ENAM: variants seen among roughly 807,000 people sequenced by gnomAD.
ENAM encodes the protein enamelin, also known as amelogenesis imperfecta 2, hypocalcification (autosomal dominant).
ENAM carries 21 observed loss-of-function variants against 33.6 expected under a neutral mutation model. The ratio of observed to expected loss-of-function variants is 0.63; its 90% CI spans 0.44 to 0.90. ENAM has a LOEUF of 0.90. ENAM is among the 40% of genes least tolerant of loss of function. The probability of loss-of-function intolerance (pLI) is 0.00; values close to 1 mark genes in which losing one functional copy is unlikely to be tolerated. For synonymous variants in ENAM, 473 were observed against 468.4 expected (o/e 1.01, Z -0.13); for missense variants, 1,388 against 1,366.9 (o/e 1.02, Z -0.24).
chr4:70,640,027 GT>G (rs1270286033), intron 8 of ENAM, among the ~76,000 whole-genome samples: 2 of 152,072 alleles, frequency 1.3e-5, no homozygotes, highest in East Asian at 3.8e-4. Context: ...TATTGCATTT[GT>G]TTTAAAAAGA....
At chr4:70,636,769 A>C (rs1738461419) in intron 7 of ENAM, among the ~76,000 whole-genome samples, 1 of 145,894 alleles carries the variant, frequency 6.9e-6, no homozygotes, top group African/African-American at 2.5e-5. Flanking sequence ...ACTCCGTCTC[A>C]AAAAAAAAAA....
intron 5 of ENAM, among the ~76,000 whole-genome samples, chr4:70,633,457 A>G (rs1482464924): frequency 6.6e-6 from 1 of 152,084 alleles, no homozygotes; most frequent in Non-Finnish European, 1.5e-5. Flanking sequence ...ATTTTTACCA[A>G]CTTAGTTGTC....
At chr4:70,639,617 AT>A (rs2109823818) in intron 8 of ENAM, among the ~76,000 whole-genome samples, 1 of 149,094 alleles carries the variant, frequency 6.7e-6, no homozygotes. Flanking sequence ...AGAAATCTGA[AT>A]TTAGATAGGC....
Position 70,643,995 on chromosome 4 carries a change from C to A in ENAM, c.2569C>A (p.Pro857Thr). ...SFPNFIPPSYPSGQKEAHLFH... is the reference protein window; with the variant it reads ...SFPNFIPPSYTSGQKEAHLFH... ...CCCTAACTTCATCCCACCAAGTTAC[C>A]CATCAGGTCAAAAAGAAGCACATTT... Residue 857 changes from proline to threonine, a missense_variant, in exon 9 of 9, where the codon CCA becomes ACA. Transcript: ENST00000396073. 6.2e-7 allele frequency: 1 copy of A among 1,614,064 alleles called. No homozygotes were observed. The highest frequency in any genetic ancestry group is 1.3e-5 in the African/African-American group (1 of 75,020).
chr4:70,641,915 C>T, intron 8 of ENAM, 100 bp from the exon 9 acceptor site: 1 of 841,940 alleles, frequency 1.2e-6, no homozygotes, highest in Non-Finnish European at 2.1e-6. Context: ...TTAAAAGAAT[C>T]ATGTGGCTGA....
Position 70,644,849 on chromosome 4 carries a change from G to A in ENAM, c.3423G>A (p.Gln1141=), listed in dbSNP as rs200902640. 1 of 1,613,130 alleles carries A rather than the reference G, an allele frequency of 6.2e-7. No individual in the cohort carries two copies. The highest frequency in any genetic ancestry group is 1.3e-5 in the African/African-American group (1 of 75,010). Reference sequence around the variant, plus strand: ...AGGTACAAGACTGCTTACTACTTCAGGCCTAGGGGTTATCCAACCAAGCAT... The same window carrying A: ...AGGTACAAGACTGCTTACTACTTCAAGCCTAGGGGTTATCCAACCAAGCAT... ...QDQVQDCLLL[Q]A is the part of the protein sequence containing the mutation. Residue 1141 remains glutamine (Q), a synonymous_variant, in exon 9 of 9, where the codon CAG becomes CAA. Coordinates refer to ENST00000396073, the MANE Select transcript of ENAM (RefSeq NM_031889.3).
At chr4:70,631,930 A>G (rs778277351) in intron 4 of ENAM, 37 bp downstream of exon 4, 7 of 1,538,488 alleles carry the variant, frequency 4.5e-6, no homozygotes, top group Non-Finnish European at 5.4e-6. Context: ...AGTTATCCAG[A>G]GTCCTATCCT....
chr4:70,635,910 T>C lies in ENAM; in HGVS notation c.534+16T>C. 1 of 1,437,064 alleles carries C rather than the reference T, an allele frequency of 7.0e-7. No individual in the cohort carries two copies. The highest frequency in any genetic ancestry group is 9.8e-7 in the Non-Finnish European group (1 of 1,021,788). 89.0% of individuals were successfully genotyped at this position (1,437,064 alleles called of 1,614,324 possible). A position where few individuals can be genotyped will look rare whatever the true frequency, so the allele number is the denominator to read the frequency against. On this transcript the variant is annotated intron_variant, in intron 7 of 8. Coordinates refer to ENST00000396073, the MANE Select transcript of ENAM (RefSeq NM_031889.3). ...AATTCCACAGGTGAGAAATTTTTTT[T>C]TCTTTACACTGTAAGTGAAAAATAA...
rs1738738752 is a variant in ENAM at position 70,645,527 on chromosome 4, C to T, written c.*672C>T. On this transcript the variant is annotated 3_prime_UTR_variant, in exon 9 of 9. Coordinates refer to ENST00000396073, the MANE Select transcript of ENAM (RefSeq NM_031889.3). ...CTAGTCTCTTCTTTATGTCTACCTC[C>T]TCCATTATGTCTTCGTCTCTTCCAA... The T allele has an allele frequency of 6.6e-6, 1 of 152,132 alleles. No homozygotes were observed. Among genetic ancestry groups the T allele is most frequent in the African/African-American group, 2.4e-5 (1 of 41,366 alleles). The allele number at this position is 152,132 out of a possible 1,614,324, so 9.4% of individuals were successfully genotyped here.
chr4:70,638,009 C>CCT (rs1738502533), intron 8 of ENAM, among the ~76,000 whole-genome samples, 166 bp downstream of exon 8: 1 of 152,004 alleles, frequency 6.6e-6, no homozygotes. Flanking sequence ...GCCAGTGGTC[C>CCT]AAAGATTGAT....
chr4:70,641,775 T>C (rs569060974), intron 8 of ENAM, among the ~76,000 whole-genome samples: 97 of 151,884 alleles, frequency 6.4e-4, no homozygotes, highest in African/African-American at 2.3e-3. Flanking sequence ...AACCCTCAGA[T>C]GTATAAGGCC....
At chr4:70,630,157 C>T (rs922720372) in intron 2 of ENAM, among the ~76,000 whole-genome samples, 9 of 152,176 alleles carry the variant, frequency 5.9e-5, no homozygotes, top group African/African-American at 2.2e-4. Flanking sequence ...TTACATACTA[C>T]TGCTTCCTTT....
At position 70,643,660 on chromosome 4, in the gene ENAM, G is replaced by T; in HGVS notation, c.2234G>T (p.Gly745Val). 1 of 1,614,084 alleles carries T rather than the reference G, an allele frequency of 6.2e-7. No homozygotes were observed. The highest frequency in any genetic ancestry group is 8.5e-7 in the Non-Finnish European group (1 of 1,179,988). ...ATGCCACCACCTATAGAGAGCAGGGGCTACTACGTTAATAATGCCGCTGGA... is the reference window on the plus strand; with the variant it reads ...ATGCCACCACCTATAGAGAGCAGGGTCTACTACGTTAATAATGCCGCTGGA... ...STMPPPIESR[G>V]YYVNNAAGPE... Residue 745 changes from glycine to valine, a missense_variant, in exon 9 of 9, where the codon GGC becomes GTC. Coordinates refer to ENST00000396073, the MANE Select transcript of ENAM (RefSeq NM_031889.3).
intron 6 of ENAM, among the ~76,000 whole-genome samples, chr4:70,635,414 A>G (rs1474454622): frequency 6.6e-6 from 1 of 152,164 alleles, no homozygotes; most frequent in Non-Finnish European, 1.5e-5. Context: ...TTGGTCAGTT[A>G]ACACTTATTA....
chr4:70,638,672 C>T (rs898731042), intron 8 of ENAM, among the ~76,000 whole-genome samples: 1 of 151,794 alleles, frequency 6.6e-6, no homozygotes, highest in Admixed American at 6.6e-5. Context: ...TCATCTCCCA[C>T]AGTCTATTAT....
Position 70,642,717 on chromosome 4 carries a change from G to GA in ENAM, c.1297dup (p.Ile433AsnfsTer33). 1 of 1,604,646 alleles carries GA rather than the reference G, an allele frequency of 6.2e-7. No individual in the cohort carries two copies. The highest frequency in any genetic ancestry group is 8.5e-7 in the Non-Finnish European group (1 of 1,176,712). On this transcript the variant is annotated frameshift_variant, in exon 9 of 9. Transcript: ENST00000396073. LOFTEE classifies it low-confidence loss of function (END_TRUNC). ...CAAACCTGGCCCTGTTGTTCGCAAT[G>GA]AAAAAATCCAAAATCCAAAGGAGAA...
intron 5 of ENAM, 97 bp from the exon 6 acceptor site, chr4:70,634,211 A>T (rs1738391288): frequency 2.5e-6 from 3 of 1,205,302 alleles, no homozygotes; most frequent in Non-Finnish European, 3.7e-6. Flanking sequence ...AGGACTTTTA[A>T]GCTCTTTGGC....
In ENAM at chr4:70,645,573, A is replaced by G. The variant is rs1240730464; in HGVS notation, c.*718A>G. The G allele has an allele frequency of 6.6e-6, 1 of 152,052 alleles. No homozygotes were observed. 9.4% of individuals were successfully genotyped at this position (152,052 alleles called of 1,614,324 possible). A position where few individuals can be genotyped will look rare whatever the true frequency, so the allele number is the denominator to read the frequency against. The stretch of plus-strand genomic sequence containing the variant: ...TCCAACCTATCTGTTCTGTCTCCCA[A>G]TGTACCACTTATCAACTAATCCCTC... On this transcript the variant is annotated 3_prime_UTR_variant, in exon 9 of 9. Coordinates refer to ENST00000396073, the MANE Select transcript of ENAM (RefSeq NM_031889.3).
intron 8 of ENAM, among the ~76,000 whole-genome samples, chr4:70,639,318 G>T (rs931576072): frequency 2.6e-5 from 4 of 152,128 alleles, no homozygotes; most frequent in African/African-American, 7.2e-5. Context: ...GCCAGGCACG[G>T]GTGGCTCACA....
Sources: gnomAD v4.1 joint callset for allele counts (sites outside exome capture counted in the v4.1 genomes callset) on GRCh38, gnomAD v4.1.1 for gene constraint, MANE v1.5 for transcripts, NCBI Gene and HGNC (gene_info 2026-07-23, HGNC 2026-07-21) for gene names.